Variants in HMGCLL1 observed in about 807,000 individuals in gnomAD.
The protein encoded by HMGCLL1 is 3-hydroxy-3-methylglutaryl-CoA lyase like 1, also known as 3-hydroxymethyl-3-methylglutaryl-CoA lyase, cytoplasmic.
HMGCLL1 carries 36 observed loss-of-function variants against 39.1 expected under a neutral mutation model. The observed-to-expected ratio is 0.92, with a 90% CI of 0.71 to 1.22. The LOEUF (loss-of-function observed/expected upper bound fraction) is 1.22, where lower values mean the gene tolerates loss of function less well. Among genes scored for constraint, HMGCLL1 ranks in the 50% most tolerant of loss-of-function variants. The pLI is 0.00. For synonymous variants in HMGCLL1, 149 were observed against 144.0 expected, an observed-to-expected ratio of 1.03 and a Z score of -0.25; for missense variants, 451 against 416.5, an observed-to-expected ratio of 1.08 and a Z score of -0.72.
intron 3 of HMGCLL1, among the ~76,000 whole-genome samples, chr6:55,538,235 G>T (rs989069101): frequency 6.6e-6 from 1 of 152,084 alleles, no homozygotes; most frequent in Non-Finnish European, 1.5e-5. Flanking sequence ...AAACAAAAAA[G>T]AATTTCAAAG....
intron 1 of HMGCLL1, among the ~76,000 whole-genome samples, chr6:55,567,656 C>A (rs1433655227): frequency 1.3e-5 from 2 of 152,106 alleles, no homozygotes; most frequent in African/African-American, 4.8e-5. Flanking sequence ...TCTAAATAAA[C>A]AGCAGAATGG....
chr6:55,593,573 A>G, the HMGCLL1 span, among the ~76,000 whole-genome samples: 1 of 152,166 alleles, frequency 6.6e-6, no homozygotes, highest in Non-Finnish European at 1.5e-5. Context: ...TCTTCAGGAA[A>G]TGTGAATTAG....
chr6:55,588,699 C>T, the HMGCLL1 span, among the ~76,000 whole-genome samples: 3 of 151,814 alleles, frequency 2.0e-5, no homozygotes, highest in Non-Finnish European at 4.4e-5. Flanking sequence ...ATCAAATAGA[C>T]TCAATAAAAA....
At chr6:55,577,131 C>G in intron 1 of HMGCLL1, 6 of 1,608,958 alleles carry the variant, frequency 3.7e-6, no homozygotes, top group Non-Finnish European at 5.1e-6. Flanking sequence ...CCAGAGACAT[C>G]GGGCTGAAAG....
At chr6:55,552,726 G>A (rs1770411927) in intron 1 of HMGCLL1, among the ~76,000 whole-genome samples, 1 of 151,944 alleles carries the variant, frequency 6.6e-6, no homozygotes, top group Admixed American at 6.6e-5. Flanking sequence ...AGCCTATTTG[G>A]ATACAGAGAC....
At chr6:55,673,793 C>T in the HMGCLL1 span, among the ~76,000 whole-genome samples, 11 of 151,874 alleles carry the variant, frequency 7.2e-5, no homozygotes, top group Non-Finnish European at 1.2e-4. Flanking sequence ...CAAAGTATTT[C>T]AAATATATTA....
At chr6:55,565,800 T>C (rs544082383) in intron 1 of HMGCLL1, among the ~76,000 whole-genome samples, 3 of 152,160 alleles carry the variant, frequency 2.0e-5, no homozygotes, top group African/African-American at 7.2e-5. Flanking sequence ...GGCTAAGTGA[T>C]AGTAGACATT....
intron 7 of HMGCLL1, among the ~76,000 whole-genome samples, chr6:55,469,851 G>A (rs1279614189): frequency 6.6e-6 from 1 of 151,808 alleles, no homozygotes; most frequent in African/African-American, 2.4e-5. Context: ...ACTAGATCTG[G>A]AGGTTTCATA....
intron 1 of HMGCLL1, among the ~76,000 whole-genome samples, chr6:55,546,814 T>A (rs1462173429): frequency 6.6e-6 from 1 of 152,106 alleles, no homozygotes; most frequent in Non-Finnish European, 1.5e-5. Context: ...GCTCAGTATA[T>A]CCTGTTTAAT....
the HMGCLL1 span, among the ~76,000 whole-genome samples, chr6:55,656,616 C>T: frequency 9.2e-5 from 14 of 151,954 alleles, no homozygotes; most frequent in Non-Finnish European, 1.6e-4. Flanking sequence ...GGAGCCACAA[C>T]AAAGAAGGAA....
the HMGCLL1 span, among the ~76,000 whole-genome samples, chr6:55,670,859 T>C: frequency 5.8e-3 from 882 of 151,884 alleles, 12 homozygotes; most frequent in African/African-American, 0.02. Flanking sequence ...ATGTAAATAA[T>C]CTAAACAAAC....
chr6:55,487,114 C>A (rs746452489), intron 7 of HMGCLL1, among the ~76,000 whole-genome samples: 1 of 152,068 alleles, frequency 6.6e-6, no homozygotes, highest in African/African-American at 2.4e-5. Context: ...CAGACCATAG[C>A]ACCCCTCATC....
intron 1 of HMGCLL1, among the ~76,000 whole-genome samples, chr6:55,578,116 G>A (rs1394769021): frequency 6.6e-6 from 1 of 152,152 alleles, no homozygotes; most frequent in Non-Finnish European, 1.5e-5. Context: ...TTGTTCACTA[G>A]TCGAATCAGA....
intron 1 of HMGCLL1, among the ~76,000 whole-genome samples, chr6:55,565,802 G>A (rs932926459): frequency 4.6e-5 from 7 of 152,030 alleles, no homozygotes. Context: ...CTAAGTGATA[G>A]TAGACATTCA....
chr6:55,583,332 C>G (rs1772016145), upstream of HMGCLL1, among the ~76,000 whole-genome samples: 1 of 151,912 alleles, frequency 6.6e-6, no homozygotes, highest in Non-Finnish European at 1.5e-5. Context: ...TCTCCTAATG[C>G]TATCCCTCCC....
chr6:55,480,348 A>G (rs1765675426), intron 7 of HMGCLL1, among the ~76,000 whole-genome samples: 1 of 151,660 alleles, frequency 6.6e-6, no homozygotes. Context: ...AGACATATAA[A>G]TGTCAAACAA....
chr6:55,572,203 C>T (rs889801809), intron 1 of HMGCLL1, among the ~76,000 whole-genome samples: 5 of 151,670 alleles, frequency 3.3e-5, no homozygotes, highest in African/African-American at 1.2e-4. Context: ...AGAGAATGTA[C>T]CCATATCAGA....
At chr6:55,520,835 C>G (rs1472976142) in intron 3 of HMGCLL1, among the ~76,000 whole-genome samples, 4 of 151,376 alleles carry the variant, frequency 2.6e-5, no homozygotes, top group African/African-American at 9.7e-5. Context: ...TTTGCCATCA[C>G]CAGCACACAG....
chr6:55,677,391 C>A, the HMGCLL1 span, among the ~76,000 whole-genome samples: 1 of 152,088 alleles, frequency 6.6e-6, no homozygotes, highest in African/African-American at 2.4e-5. Flanking sequence ...ACCCCCCCGA[C>A]ACATACACAA....
Sources: allele counts gnomAD v4.1 joint callset (sites outside exome capture counted in the v4.1 genomes callset), GRCh38; gene constraint gnomAD v4.1.1; transcripts MANE v1.5; gene names NCBI Gene and HGNC (gene_info 2026-07-23, HGNC 2026-07-21).